The following PARD3B variants were observed in gnomAD, a reference collection of about 807,000 sequenced individuals.
PARD3B encodes partitioning defective 3 homolog B.
PARD3B carries 103 observed loss-of-function variants against 130.2 expected under a neutral mutation model. That is an observed-to-expected ratio of 0.79 (90% confidence interval 0.67 to 0.93). The LOEUF (loss-of-function observed/expected upper bound fraction) is 0.93, where lower values mean the gene tolerates loss of function less well. Among genes scored for constraint, PARD3B ranks in the 40% least tolerant of loss-of-function variants. PARD3B has a pLI of 0.00. For synonymous variants in PARD3B, 583 were observed against 553.2 expected (o/e 1.05, Z -0.76); for missense variants, 1,609 against 1,499.2 (o/e 1.07, Z -1.21).
intron 2 of PARD3B, among the ~76,000 whole-genome samples, chr2:204,808,140 G>A (rs565606792): frequency 2.4e-4 from 37 of 151,862 alleles, no homozygotes; most frequent in Non-Finnish European, 4.0e-4. Context: ...GATTATATTC[G>A]ATATTTCTAC....
At chr2:204,785,436 G>A (rs946839148) in intron 2 of PARD3B, among the ~76,000 whole-genome samples, 1 of 151,940 alleles carries the variant, frequency 6.6e-6, no homozygotes, top group Non-Finnish European at 1.5e-5. Flanking sequence ...TCTCACCTTC[G>A]CCATTCCAAA....
chr2:205,302,534 A>C (rs1207769309), intron 18 of PARD3B, among the ~76,000 whole-genome samples: 1 of 152,244 alleles, frequency 6.6e-6, no homozygotes, highest in Non-Finnish European at 1.5e-5. Flanking sequence ...CAATGCCTGC[A>C]GTCCTTTGTA....
chr2:204,668,275 T>A (rs544525987), intron 1 of PARD3B, among the ~76,000 whole-genome samples: 1 of 152,208 alleles, frequency 6.6e-6, no homozygotes, highest in Non-Finnish European at 1.5e-5. Context: ...TCTGATTGAT[T>A]AGCGCTTCTG....
intron 20 of PARD3B, among the ~76,000 whole-genome samples, chr2:205,482,236 A>C (rs1191189876): frequency 1.3e-5 from 2 of 152,198 alleles, no homozygotes; most frequent in African/African-American, 4.8e-5. Flanking sequence ...ATAGCTAAAG[A>C]GACAGTGAAA....
In PARD3B at chr2:205,192,850, T is replaced by C. The variant is rs184447553; in HGVS notation, c.2025-355T>C. On this transcript the variant is annotated intron_variant, in intron 14 of 22. Transcript: ENST00000406610. ...CCACAGAAATCCCTTAACCTGCTTT[T>C]GGGCTCTGCTAATATCCAGTGACAT... Among the ~76,000 whole-genome samples the C allele has an allele frequency of 1.3e-3, 195 of 152,358 alleles. No homozygotes were observed. In the Middle Eastern group the frequency reaches 0.014, roughly 11 times the overall value.
At chr2:204,551,167 A>G (rs1026009361) in intron 1 of PARD3B, among the ~76,000 whole-genome samples, 2 of 152,230 alleles carry the variant, frequency 1.3e-5, no homozygotes, top group African/African-American at 4.8e-5. Context: ...TGTGACCCAC[A>G]GACATATTTT....
At chr2:205,190,227 G>A (rs2036320233) in intron 14 of PARD3B, among the ~76,000 whole-genome samples, 1 of 152,120 alleles carries the variant, frequency 6.6e-6, no homozygotes, top group Admixed American at 6.5e-5. Context: ...CCTAATTTGT[G>A]AATTAACACC....
chr2:205,245,691 A>G, intron 15 of PARD3B, 87 bp from the exon 16 acceptor site: 1 of 1,070,010 alleles, frequency 9.3e-7, no homozygotes, highest in South Asian at 1.6e-5. Context: ...GATTTAACTT[A>G]TTATGAATCT....
chr2:204,912,144 T>C (rs978192090), intron 2 of PARD3B, among the ~76,000 whole-genome samples: 3 of 152,192 alleles, frequency 2.0e-5, no homozygotes, highest in Non-Finnish European at 4.4e-5. Flanking sequence ...ATTCATTTAA[T>C]TTTCTGCCTG....
chr2:205,534,563 G>T (rs544340150), intron 21 of PARD3B, among the ~76,000 whole-genome samples: 105 of 152,202 alleles, frequency 6.9e-4, no homozygotes, highest in African/African-American at 2.5e-3. Context: ...CCACCTCCTG[G>T]GTTCAAGCTA....
At chr2:204,820,846 C>T (rs1007884601) in intron 2 of PARD3B, among the ~76,000 whole-genome samples, 11 of 127,406 alleles carry the variant, frequency 8.6e-5, no homozygotes, top group Admixed American at 3.1e-4. Flanking sequence ...AACAAAAAGC[C>T]ACTGCTCATT....
chr2:205,491,455 C>T (rs980060156), intron 20 of PARD3B, among the ~76,000 whole-genome samples: 11 of 152,106 alleles, frequency 7.2e-5, no homozygotes, highest in Admixed American at 6.6e-4. Flanking sequence ...CTGTTCTGTT[C>T]TATTGGTCTA....
At chr2:205,047,175 A>G (rs911536095) in intron 3 of PARD3B, among the ~76,000 whole-genome samples, 2 of 152,196 alleles carry the variant, frequency 1.3e-5, no homozygotes, top group Non-Finnish European at 2.9e-5. Context: ...TGGCAGTAAT[A>G]ACTATACTTC....
At chr2:205,402,241 AC>A (rs1459125879) in intron 19 of PARD3B, among the ~76,000 whole-genome samples, 2 of 152,222 alleles carry the variant, frequency 1.3e-5, no homozygotes, top group African/African-American at 4.8e-5. Flanking sequence ...CAAGTGTTTT[AC>A]ATTGTTGTTG....
intron 18 of PARD3B, among the ~76,000 whole-genome samples, chr2:205,346,631 C>T (rs1238616777): frequency 6.6e-6 from 1 of 152,050 alleles, no homozygotes; most frequent in Non-Finnish European, 1.5e-5. Flanking sequence ...GCACAAAGAC[C>T]ATCCTTCATA....
At chr2:204,648,731 TATCATATAAATAATATATATTTATAATAG>T (rs1411348758) in intron 1 of PARD3B, among the ~76,000 whole-genome samples, 2 of 58,358 alleles carry the variant, frequency 3.4e-5, no homozygotes, top group African/African-American at 8.2e-5. Flanking sequence ...TTATAATAGA[TATCATATAAATAATATATATTTATAATAG>T]ATATCATATA....
chr2:204,586,727 A>C (rs1447496), intron 1 of PARD3B, among the ~76,000 whole-genome samples: 28,150 of 152,108 alleles, frequency 0.19, 3,206 homozygotes, highest in African/African-American at 0.31. Context: ...CTTGTGGTAC[A>C]CCTATTATCC....
intron 18 of PARD3B, among the ~76,000 whole-genome samples, chr2:205,315,915 G>A (rs1243211755): frequency 2.6e-5 from 4 of 152,108 alleles, no homozygotes; most frequent in Admixed American, 2.0e-4. Context: ...TTTCCATTGA[G>A]TACTTCCTGT....
At chr2:204,570,829 T>TATAAGCTGTTGCA (rs2031956458) in intron 1 of PARD3B, among the ~76,000 whole-genome samples, 1 of 150,332 alleles carries the variant, frequency 6.7e-6, no homozygotes, top group Admixed American at 6.6e-5. Context: ...AACTGAGGTG[T>TATAAGCTGTTGCA]ATAAGCTGTT....
Sources: gnomAD v4.1 joint callset for allele counts (sites outside exome capture counted in the v4.1 genomes callset) on GRCh38, gnomAD v4.1.1 for gene constraint, MANE v1.5 for transcripts, NCBI Gene and HGNC (gene_info 2026-07-23, HGNC 2026-07-21) for gene names.